TRIO: variants seen among roughly 807,000 people sequenced by gnomAD.
TRIO encodes the protein triple functional domain protein.
A neutral mutation model predicts 351.9 loss-of-function variants in TRIO; 58 were observed. The ratio of observed to expected loss-of-function variants is 0.16; its 90% confidence interval spans 0.13 to 0.21. The LOEUF (loss-of-function observed/expected upper bound fraction) is 0.21. Among genes scored for constraint, TRIO ranks in the 10% least tolerant of loss-of-function variants. The pLI is 1.00. For synonymous variants in TRIO, 1,758 were observed against 1,595.7 expected, an observed-to-expected ratio of 1.10 and a Z score of -2.42; for missense variants, 3,201 against 4,027.8, an observed-to-expected ratio of 0.79 and a Z score of 5.56.
intron 9 of TRIO, among the ~76,000 whole-genome samples, chr5:14,324,531 TGTA>T (rs1328539462): frequency 6.6e-6 from 1 of 152,230 alleles, no homozygotes; most frequent in Non-Finnish European, 1.5e-5. Flanking sequence ...AGATGTATTA[TGTA>T]GTTTTTCAAG....
At chr5:14,173,849 G>C in intron 1 of TRIO, among the ~76,000 whole-genome samples, 1 of 152,340 alleles carries the variant, frequency 6.6e-6, no homozygotes, top group South Asian at 2.1e-4. Context: ...AATTAGAAGC[G>C]TCTGTCTCTG....
intron 7 of TRIO, among the ~76,000 whole-genome samples, chr5:14,298,063 C>A (rs983345068): frequency 1.3e-5 from 2 of 152,096 alleles, no homozygotes; most frequent in Non-Finnish European, 2.9e-5. Context: ...AGGTGCTGCC[C>A]GCAAGGGTGA....
At chr5:14,172,282 C>T (rs1789144580) in intron 1 of TRIO, among the ~76,000 whole-genome samples, 1 of 152,180 alleles carries the variant, frequency 6.6e-6, no homozygotes, top group South Asian at 2.1e-4. Context: ...GTACTTGCCC[C>T]TGAGAAGCAG....
intron 1 of TRIO, among the ~76,000 whole-genome samples, chr5:14,239,564 C>T (rs1581423304): frequency 6.6e-6 from 1 of 152,274 alleles, no homozygotes; most frequent in Non-Finnish European, 1.5e-5. Context: ...CCTCGCTGAC[C>T]TCATCAGATG....
rs533239154 is a variant in TRIO, at chr5:14,366,788, A to G, written c.2755-72A>G. The G allele has an allele frequency of 1.5e-4, 245 of 1,602,350 alleles. No individual in the cohort carries two copies. In the African/African-American group the frequency reaches 2.9e-3, roughly 19 times the overall value. ...CAACTGGACTATCTTGCACGCTTGTATCTCACCCCTGGTGGTCCACAGGAT... is the reference window on the plus strand; with the variant it reads ...CAACTGGACTATCTTGCACGCTTGTGTCTCACCCCTGGTGGTCCACAGGAT... On this transcript the variant is annotated intron_variant, in intron 15 of 56. Coordinates refer to ENST00000344204, the MANE Select transcript of TRIO (RefSeq NM_007118.4).
chr5:14,291,080 C>T lies in TRIO; in HGVS notation c.905C>T (p.Ala302Val), dbSNP rs761019734. 9 of 1,614,198 alleles carry T rather than the reference C, an allele frequency of 5.6e-6. No individual in the cohort carries two copies. The highest frequency in any genetic ancestry group is 1.6e-4 in the Middle Eastern group (1 of 6,062). The change falls in exon 5 of 57, where the codon GCG becomes GTG. Residue 302 changes from alanine (A) to valine (V), a missense_variant. Physicochemically the swap from Ala to Val is moderately conservative, Grantham distance 64. This residue lies in a region of TRIO where 349 missense variants were observed against 449.3 expected (regional missense o/e 0.78). Transcript: ENST00000344204. ...AAAAAGAACTCAGGCTCAGGCAATG[C>T]GGACCTGCAGAACCTCTTGCCCAAG... ...FPKKNSGSGNADLQNLLPKVS... is the reference protein window; with the variant it reads ...FPKKNSGSGNVDLQNLLPKVS...
chr5:14,200,864 G>C (rs1791066055), intron 1 of TRIO, among the ~76,000 whole-genome samples: 1 of 152,146 alleles, frequency 6.6e-6, no homozygotes, highest in Non-Finnish European at 1.5e-5. Flanking sequence ...TTGTTAAACA[G>C]CTGAGTTTTT....
At position 14,369,539 on chromosome 5, in the gene TRIO, CG is replaced by C. The variant is rs758571991; in HGVS notation, c.3216+19del. 1 of 1,609,404 alleles carries C rather than the reference CG, an allele frequency of 6.2e-7. No homozygotes were observed. Among genetic ancestry groups the C allele is most frequent in the Non-Finnish European group, 8.5e-7 (1 of 1,177,860 alleles). On this transcript the variant is annotated intron_variant, in intron 18 of 56. Coordinates refer to ENST00000344204, the MANE Select transcript of TRIO (RefSeq NM_007118.4). Reference sequence around the variant, plus strand: ...ATTCCTGAAGGTAGGGGCAGCGCTGCGGGACAGTGCACCCATCAGAGGCTTC... The same window carrying C: ...ATTCCTGAAGGTAGGGGCAGCGCTGCGGACAGTGCACCCATCAGAGGCTTC...
chr5:14,406,539 G>A (rs1013433326), intron 32 of TRIO, 34 bp from the exon 33 acceptor site: 1 of 1,600,928 alleles, frequency 6.2e-7, no homozygotes, highest in Non-Finnish European at 8.6e-7. Context: ...CAGCTCAGCA[G>A]CATCAGGAAC....
intron 28 of TRIO, among the ~76,000 whole-genome samples, chr5:14,396,044 TAAAAAAAAAA>T (rs557922366): frequency 3.1e-5 from 2 of 64,548 alleles, no homozygotes; most frequent in African/African-American, 4.9e-5. Flanking sequence ...AGACTCCGCC[TAAAAAAAAAA>T]AAAAAAAAAA....
chr5:14,411,802 G>A (rs1386049684), intron 33 of TRIO, among the ~76,000 whole-genome samples: 2 of 151,544 alleles, frequency 1.3e-5, no homozygotes, highest in African/African-American at 2.4e-5. Context: ...AGACAGTATC[G>A]AACTGTGTTT....
intron 55 of TRIO, 120 bp from the exon 56 acceptor site, chr5:14,507,002 C>T: frequency 7.3e-7 from 1 of 1,366,000 alleles, no homozygotes; most frequent in East Asian, 2.7e-5. Flanking sequence ...AGGCACGGCC[C>T]TGAGATCCCG....
intron 1 of TRIO, among the ~76,000 whole-genome samples, chr5:14,254,176 A>G (rs1450581628): frequency 5.9e-5 from 9 of 152,160 alleles, no homozygotes; most frequent in South Asian, 2.1e-4. Flanking sequence ...GGAGTCCTCA[A>G]TAGTTCTCCC....
At chr5:14,210,138 G>A (rs1306013721) in intron 1 of TRIO, among the ~76,000 whole-genome samples, 2 of 152,216 alleles carry the variant, frequency 1.3e-5, no homozygotes, top group South Asian at 2.1e-4. Context: ...AGGAGCGGTC[G>A]GCCCCTTTGG....
At chr5:14,229,420 AGTACTGTTGT>A (rs1793264984) in intron 1 of TRIO, among the ~76,000 whole-genome samples, 1 of 152,230 alleles carries the variant, frequency 6.6e-6, no homozygotes, top group African/African-American at 2.4e-5. Flanking sequence ...TGCCACCTGC[AGTACTGTTGT>A]AAGGCCTGGA....
intron 1 of TRIO, among the ~76,000 whole-genome samples, chr5:14,166,912 C>G (rs1788801046): frequency 6.6e-6 from 1 of 152,026 alleles, no homozygotes; most frequent in Non-Finnish European, 1.5e-5. Flanking sequence ...AGCAGCTACC[C>G]CTGTTTGTTG....
chr5:14,262,585 A>G (rs1020874176), intron 1 of TRIO, among the ~76,000 whole-genome samples: 1 of 152,180 alleles, frequency 6.6e-6, no homozygotes, highest in Non-Finnish European at 1.5e-5. Context: ...GAGGGAATTA[A>G]GAACATCTAT....
At chr5:14,153,247 A>G (rs1787935408) in intron 1 of TRIO, among the ~76,000 whole-genome samples, 1 of 152,192 alleles carries the variant, frequency 6.6e-6, no homozygotes, top group African/African-American at 2.4e-5. Flanking sequence ...CACCCTTGCT[A>G]TCCTCTAAAT....
intron 11 of TRIO, among the ~76,000 whole-genome samples, chr5:14,351,350 G>T (rs1341831241): frequency 6.6e-6 from 1 of 152,184 alleles, no homozygotes; most frequent in Non-Finnish European, 1.5e-5. Context: ...CATTTTATGT[G>T]CATAGTGGTT....
Sources: gnomAD v4.1 joint callset for allele counts (sites outside exome capture counted in the v4.1 genomes callset) on GRCh38, gnomAD v4.1.1 for gene constraint, gnomAD v4.1.1 regional missense constraint, MANE v1.5 for transcripts, NCBI Gene and HGNC (gene_info 2026-07-23, HGNC 2026-07-21) for gene names.